The following EPHA6 variants were observed in gnomAD, a reference collection of about 807,000 sequenced individuals.
EPHA6 encodes the protein EPH receptor A6, also known as ephrin type-A receptor 6.
EPHA6 carries 50 observed loss-of-function variants against 112.0 expected under a neutral mutation model. That is an observed-to-expected ratio of 0.45 (90% CI 0.36 to 0.56). EPHA6 has a LOEUF of 0.56. Ranked by LOEUF, EPHA6 falls within the 20% of genes least tolerant of loss-of-function variation. The pLI, the probability that EPHA6 is intolerant of heterozygous loss-of-function variation, is 0.00. For missense variants in EPHA6, 1,280 were observed against 1,417.4 expected (o/e 0.90, Z 1.56); for synonymous variants, 529 against 490.7 (o/e 1.08, Z -1.03).
At chr3:97,695,196 T>C (rs2032952367) in intron 14 of EPHA6, among the ~76,000 whole-genome samples, 1 of 152,204 alleles carries the variant, frequency 6.6e-6, no homozygotes, top group Non-Finnish European at 1.5e-5. Context: ...ACTCAAAAAA[T>C]GACACCATCA....
chr3:97,121,211 C>G (rs1255066545), intron 3 of EPHA6, among the ~76,000 whole-genome samples: 1 of 151,988 alleles, frequency 6.6e-6, no homozygotes, highest in Non-Finnish European at 1.5e-5. Context: ...TTTAGAGAAT[C>G]TGGTTACAAA....
At chr3:97,189,231 A>G (rs2077236408) in intron 3 of EPHA6, among the ~76,000 whole-genome samples, 1 of 152,012 alleles carries the variant, frequency 6.6e-6, no homozygotes, top group Admixed American at 6.6e-5. Context: ...ACTTTATGAT[A>G]TGAGATGTGC....
At chr3:96,990,243 G>A (rs1032975138) in intron 3 of EPHA6, among the ~76,000 whole-genome samples, 2 of 152,004 alleles carry the variant, frequency 1.3e-5, no homozygotes, top group Non-Finnish European at 2.9e-5. Flanking sequence ...TATGCTTGCT[G>A]TGAAATTTTA....
chr3:97,639,107 T>C (rs1264835661), intron 14 of EPHA6, among the ~76,000 whole-genome samples: 1 of 152,092 alleles, frequency 6.6e-6, no homozygotes, highest in Admixed American at 6.5e-5. Flanking sequence ...TTATCAATGA[T>C]ATTTTTCACA....
chr3:97,015,869 A>G (rs999201607), intron 3 of EPHA6, among the ~76,000 whole-genome samples: 6 of 152,200 alleles, frequency 3.9e-5, no homozygotes, highest in Non-Finnish European at 5.9e-5. Flanking sequence ...CTAATAGCTG[A>G]CGATCTCTGG....
chr3:96,906,114 T>C (rs28437284), intron 2 of EPHA6, among the ~76,000 whole-genome samples: 2,760 of 152,150 alleles, frequency 0.018, 72 homozygotes, highest in African/African-American at 0.05. Flanking sequence ...ACCAAATATG[T>C]TCTTTTTCTT....
At chr3:97,306,451 T>C (rs1480419914) in intron 5 of EPHA6, among the ~76,000 whole-genome samples, 1 of 151,732 alleles carries the variant, frequency 6.6e-6, no homozygotes, top group African/African-American at 2.4e-5. Flanking sequence ...GAAATGGAAG[T>C]GTGAGGATAG....
intron 11 of EPHA6, among the ~76,000 whole-genome samples, chr3:97,541,895 G>A (rs1227034969): frequency 6.6e-6 from 1 of 151,592 alleles, no homozygotes; most frequent in Non-Finnish European, 1.5e-5. Flanking sequence ...TATATATAAA[G>A]GGGAGTTAAT....
intron 8 of EPHA6, among the ~76,000 whole-genome samples, chr3:97,478,435 G>A (rs904037340): frequency 6.6e-6 from 1 of 152,170 alleles, no homozygotes; most frequent in Non-Finnish European, 1.5e-5. Context: ...GAGCAGAATA[G>A]ATATACCACT....
intron 14 of EPHA6, among the ~76,000 whole-genome samples, chr3:97,693,113 T>C (rs920296940): frequency 6.6e-6 from 1 of 152,146 alleles, no homozygotes; most frequent in African/African-American, 2.4e-5. Flanking sequence ...TGCTGTCTGG[T>C]TCAGTGAGAT....
At chr3:97,002,919 T>C (rs953376800) in intron 3 of EPHA6, among the ~76,000 whole-genome samples, 5 of 152,112 alleles carry the variant, frequency 3.3e-5, no homozygotes, top group Non-Finnish European at 7.4e-5. Context: ...TATTCATCAA[T>C]GTTACCAAGA....
At chr3:97,338,793 T>C (rs1025755355) in intron 5 of EPHA6, among the ~76,000 whole-genome samples, 6 of 152,146 alleles carry the variant, frequency 3.9e-5, no homozygotes, top group African/African-American at 1.4e-4. Flanking sequence ...TGGTTGCAAG[T>C]GATAGAGATG....
intron 1 of EPHA6, among the ~76,000 whole-genome samples, chr3:96,851,173 T>C: frequency 6.6e-6 from 1 of 152,148 alleles, no homozygotes; most frequent in South Asian, 2.1e-4. Flanking sequence ...ATCTGAGTGA[T>C]CTTAAGTAAG....
intron 3 of EPHA6, among the ~76,000 whole-genome samples, chr3:97,000,301 A>G (rs1403891102): frequency 1.3e-5 from 2 of 150,628 alleles, no homozygotes; most frequent in Non-Finnish European, 3.0e-5. Context: ...ACATATATAT[A>G]GCCATATATA....
At chr3:97,173,380 T>C (rs1464610448) in intron 3 of EPHA6, among the ~76,000 whole-genome samples, 1 of 151,876 alleles carries the variant, frequency 6.6e-6, no homozygotes, top group African/African-American at 2.4e-5. Context: ...GGAAAAAATA[T>C]TTAAAATTTT....
intron 7 of EPHA6, among the ~76,000 whole-genome samples, chr3:97,458,093 A>AAT (rs36035649): frequency 6.7e-6 from 1 of 149,664 alleles, no homozygotes; most frequent in Non-Finnish European, 1.5e-5. Context: ...AAAAAAAAAA[A>AAT]GCAGCTTAAG....
intron 2 of EPHA6, among the ~76,000 whole-genome samples, chr3:96,951,068 T>C (rs1171452191): frequency 2.0e-5 from 3 of 152,094 alleles, no homozygotes; most frequent in Non-Finnish European, 4.4e-5. Flanking sequence ...TAAAAATAAT[T>C]CTTATTCCTT....
chr3:96,847,444 C>A (rs1469463653), intron 1 of EPHA6, among the ~76,000 whole-genome samples: 2 of 151,726 alleles, frequency 1.3e-5, no homozygotes, highest in Non-Finnish European at 2.9e-5. Context: ...CTAAGGAATC[C>A]CCTACATTCA....
chr3:97,330,404 T>C (rs2082724522), intron 5 of EPHA6, among the ~76,000 whole-genome samples: 1 of 152,158 alleles, frequency 6.6e-6, no homozygotes, highest in Admixed American at 6.5e-5. Flanking sequence ...TAAATTACCT[T>C]GGGCAATATG....
Sources: gnomAD v4.1 joint callset for allele counts (sites outside exome capture counted in the v4.1 genomes callset) on GRCh38, gnomAD v4.1.1 for gene constraint, MANE v1.5 for transcripts, NCBI Gene and HGNC (gene_info 2026-07-23, HGNC 2026-07-21) for gene names.